PRKD2: variants seen among roughly 807,000 people sequenced by gnomAD.
PRKD2 encodes serine/threonine-protein kinase D2.
PRKD2 carries 22 observed loss-of-function variants against 86.0 expected under a neutral mutation model. The ratio of observed to expected loss-of-function variants is 0.26; its 90% CI spans 0.18 to 0.37. The LOEUF is 0.37. Among genes scored for constraint, PRKD2 ranks in the 10% least tolerant of loss-of-function variants. PRKD2 has a pLI of 1.00. For synonymous variants in PRKD2, 509 were observed against 510.9 expected, an observed-to-expected ratio of 1.00 and a Z score of 0.05; for missense variants, 818 against 1,199.2, an observed-to-expected ratio of 0.68 and a Z score of 4.70.
chr19:46,688,387 G>A (rs148248003), intron 14 of PRKD2, among the ~76,000 whole-genome samples: 110 of 151,062 alleles, frequency 7.3e-4, no homozygotes, highest in African/African-American at 2.3e-3. Flanking sequence ...TATCATTACC[G>A]CTAGTCTATT....
Position 46,705,143 on chromosome 19 carries a change from G to A in PRKD2, c.512-494C>T, listed in dbSNP as rs200525606. Among the ~76,000 whole-genome samples, 3 of 146,108 alleles carry A rather than the reference G, an allele frequency of 2.1e-5. No homozygotes were observed. In the East Asian group the frequency reaches 6.1e-4, roughly 30 times the overall value. ...CCCATCTGCCCCCCAGGCCCTGAAC[G>A]CGCCTCACACCCCACCTTTTCCCAC... On this transcript the variant is annotated intron_variant, in intron 3 of 17. Coordinates refer to ENST00000291281, the MANE Select transcript of PRKD2 (RefSeq NM_016457.5).
chr19:46,682,685 C>T (rs1288352464), intron 14 of PRKD2, among the ~76,000 whole-genome samples: 1 of 150,376 alleles, frequency 6.6e-6, no homozygotes, highest in African/African-American at 2.4e-5. Flanking sequence ...TTTCCAAGAT[C>T]CAACTATGTG....
At position 46,707,301 on chromosome 19, in the gene PRKD2, C is replaced by T. The variant is rs1379658939; in HGVS notation, c.512-2652G>A. Among the ~76,000 whole-genome samples, 10 of 152,086 alleles carry T rather than the reference C, an allele frequency of 6.6e-5. 1 individual carries two copies. The highest frequency in any genetic ancestry group is 6.5e-4 in the Admixed American group (10 of 15,268). ...ATATGGCTCTAATTGCAGGGCACAC[C>T]ATACAAAAATGGAGGCGCATGGGGC... On this transcript the variant is annotated intron_variant, in intron 3 of 17. Coordinates refer to ENST00000291281, the MANE Select transcript of PRKD2 (RefSeq NM_016457.5).
intron 3 of PRKD2, among the ~76,000 whole-genome samples, chr19:46,705,395 A>G (rs538136247): frequency 3.1e-4 from 46 of 147,588 alleles, no homozygotes; most frequent in Non-Finnish European, 6.1e-4. Flanking sequence ...CCCCACCCCT[A>G]AGGTCACTAT....
intron 9 of PRKD2, among the ~76,000 whole-genome samples, chr19:46,696,204 A>G (rs1010795202): frequency 2.0e-4 from 30 of 152,160 alleles, no homozygotes; most frequent in Admixed American, 1.9e-3. Flanking sequence ...CAGCCATGGA[A>G]AGTTCAAGGA....
At chr19:46,712,206 T>C (rs931479081) in intron 2 of PRKD2, among the ~76,000 whole-genome samples, 5 of 151,656 alleles carry the variant, frequency 3.3e-5, no homozygotes, top group African/African-American at 1.2e-4. Context: ...GTCATGCCAC[T>C]GCATTCCAGC....
chr19:46,700,020 G>A lies in PRKD2; in HGVS notation c.1121+779C>T, dbSNP rs558021554. 3.2e-4 allele frequency among the ~76,000 whole-genome samples: 49 copies of A among 151,954 alleles called. 1 individual carries two copies. The East Asian group carries it at 9.5e-3, about 29-fold the overall frequency. Reference sequence around the variant, plus strand: ...GGAGGCCGAGGCAGGTGGATTACCTGAGGTTGGGAGTTCAAGACCAGCCTG... The same window carrying A: ...GGAGGCCGAGGCAGGTGGATTACCTAAGGTTGGGAGTTCAAGACCAGCCTG... On this transcript the variant is annotated intron_variant, in intron 7 of 17. Transcript: ENST00000291281.
chr19:46,707,657 C>T (rs1333023520), intron 3 of PRKD2, among the ~76,000 whole-genome samples: 1 of 152,146 alleles, frequency 6.6e-6, no homozygotes, highest in Non-Finnish European at 1.5e-5. Flanking sequence ...GTCATCTGTC[C>T]TCATAGCCAA....
rs370839622 is a variant in PRKD2, at chr19:46,674,492, G to A, written c.*31C>T. The A allele has an allele frequency of 2.5e-6, 4 of 1,592,952 alleles. No individual in the cohort carries two copies. In the Admixed American group the frequency reaches 6.9e-5, roughly 27 times the overall value. On this transcript the variant is annotated 3_prime_UTR_variant, in exon 18 of 18. Coordinates refer to ENST00000291281, the MANE Select transcript of PRKD2 (RefSeq NM_016457.5). Reference sequence around the variant, plus strand: ...TGGGATCCTGTGAAGAACCGCTGTGGAGGGCAGCAGCTGGACGAGGGCACA... The same window carrying A: ...TGGGATCCTGTGAAGAACCGCTGTGAAGGGCAGCAGCTGGACGAGGGCACA...
intron 16 of PRKD2, among the ~76,000 whole-genome samples, chr19:46,677,625 G>T (rs142818250): frequency 6.6e-6 from 1 of 152,118 alleles, no homozygotes; most frequent in Non-Finnish European, 1.5e-5. Flanking sequence ...TCCAAGCAGG[G>T]AAAGTTACAG....
chr19:46,711,739 T>A (rs1644350), intron 2 of PRKD2, among the ~76,000 whole-genome samples: 15,371 of 152,068 alleles, frequency 0.1, 948 homozygotes, highest in Non-Finnish European at 0.13. Flanking sequence ...AATTAAAAAA[T>A]TTTTAATTAA....
chr19:46,701,675 G>T (rs1213118817), intron 5 of PRKD2, among the ~76,000 whole-genome samples: 1 of 151,602 alleles, frequency 6.6e-6, no homozygotes, highest in East Asian at 2.0e-4. Context: ...GTGTGTGTGT[G>T]TGTTATTGGT....
intron 5 of PRKD2, among the ~76,000 whole-genome samples, chr19:46,701,582 A>C (rs2053635817): frequency 6.7e-6 from 1 of 149,950 alleles, no homozygotes; most frequent in East Asian, 2.0e-4. Flanking sequence ...CGCGCTCCTG[A>C]CCTCAGATGA....
At chr19:46,688,063 T>C (rs895353692) in intron 14 of PRKD2, among the ~76,000 whole-genome samples, 12 of 152,090 alleles carry the variant, frequency 7.9e-5, no homozygotes, top group Non-Finnish European at 7.4e-5. Context: ...TTTTTTTTTT[T>C]ACTTTTTGTA....
chr19:46,683,912 T>A (rs1420300955), intron 14 of PRKD2, among the ~76,000 whole-genome samples: 2 of 152,132 alleles, frequency 1.3e-5, no homozygotes, highest in Non-Finnish European at 2.9e-5. Context: ...TCCTGCTGTA[T>A]CTGTTCCTAT....
At chr19:46,686,365 T>C (rs2053396957) in intron 14 of PRKD2, among the ~76,000 whole-genome samples, 1 of 151,158 alleles carries the variant, frequency 6.6e-6, no homozygotes, top group Non-Finnish European at 1.5e-5. Flanking sequence ...CCAGGTGTAA[T>C]GGCTCATGCC....
intron 14 of PRKD2, among the ~76,000 whole-genome samples, chr19:46,684,631 G>C (rs1291882813): frequency 6.6e-6 from 1 of 152,118 alleles, no homozygotes; most frequent in South Asian, 2.1e-4. Context: ...CCCATTTCCA[G>C]ATTTTGTCAG....
rs573308941 is a variant in PRKD2 at position 46,678,097 on chromosome 19, G to A, written c.2338+299C>T. 6.6e-6 allele frequency among the ~76,000 whole-genome samples: 1 copy of A among 152,202 alleles called. No individual in the cohort carries two copies. The highest frequency in any genetic ancestry group is 1.5e-5 in the Non-Finnish European group (1 of 68,014). On this transcript the variant is annotated intron_variant, in intron 16 of 17. Transcript: ENST00000291281. This position sits in a 1 kb window ranked among gnomAD's most constrained non-coding sequence, Gnocchi z 5.7. ...TACCCTCAAGTCCAGTCCCTTTCCT[G>A]GTCCCACCCTAGACAAGCCAAGTCT...
chr19:46,700,653 A>G, intron 7 of PRKD2, 146 bp downstream of exon 7: 1 of 1,100,612 alleles, frequency 9.1e-7, no homozygotes. Context: ...TTTAAAAAAA[A>G]TTGTAGTGCT....
Sources: allele counts gnomAD v4.1 joint callset (sites outside exome capture counted in the v4.1 genomes callset), GRCh38; gene constraint gnomAD v4.1.1; non-coding constraint Gnocchi (gnomAD v3.1); transcripts MANE v1.5; gene names NCBI Gene and HGNC (gene_info 2026-07-23, HGNC 2026-07-21).